The following CCDC160 variants were observed in gnomAD, a reference collection of about 807,000 sequenced individuals.
CCDC160 encodes coiled-coil domain-containing protein 160.
For missense variants in CCDC160, 227 were observed against 215.6 expected, an observed-to-expected ratio of 1.05 and a Z score of -0.33; for synonymous variants, 94 against 79.4, an observed-to-expected ratio of 1.18 and a Z score of -0.98.
intron 1 of CCDC160, among the ~76,000 whole-genome samples, chrX:134,238,409 G>C (rs1426644576): frequency 1.3e-5 from 1 of 77,288 alleles, no homozygotes; most frequent in Non-Finnish European, 2.3e-5. Flanking sequence ...GTCTTGCTCT[G>C]TTGCCCAGGC....
exon 2 of CCDC160, chrX:134,245,145 A>T: frequency 8.4e-7 from 1 of 1,196,949 alleles, no homozygotes; most frequent in Non-Finnish European, 1.1e-6. Flanking sequence ...ACAGCACAGA[A>T]GATAACTCTA....
exon 2 of CCDC160, chrX:134,244,836 G>A (rs753404055): frequency 8.5e-6 from 10 of 1,180,185 alleles, no homozygotes; most frequent in African/African-American, 1.8e-5. Context: ...AGGAGAATAT[G>A]TTTACTCCTT....
chrX:134,240,001 C>T (rs770664317), intron 1 of CCDC160, among the ~76,000 whole-genome samples: 1 of 111,935 alleles, frequency 8.9e-6, no homozygotes, highest in East Asian at 2.8e-4. Flanking sequence ...TCCATCTTAA[C>T]TTCAGACAGT....
At chrX:134,238,565 G>A (rs941477120) in intron 1 of CCDC160, among the ~76,000 whole-genome samples, 185 bp from the exon 2 acceptor site, 5 of 109,148 alleles carry the variant, frequency 4.6e-5, no homozygotes, top group African/African-American at 1.0e-4. Context: ...TAGAGACGGG[G>A]TTTTGCCATG....
intron 1 of CCDC160, chrX:134,243,221 A>T (rs1438367471): frequency 1.6e-5 from 3 of 191,356 alleles, no homozygotes; most frequent in Non-Finnish European, 2.4e-5. Flanking sequence ...GACCTCAAGA[A>T]AGCTTGGCTT....
chrX:134,243,843 C>T (rs1295962474), intron 1 of CCDC160, among the ~76,000 whole-genome samples: 1 of 111,673 alleles, frequency 9.0e-6, no homozygotes, highest in Admixed American at 9.5e-5. Context: ...CTTCAGGTGC[C>T]AGTGGCCCTC....
exon 2 of CCDC160, chrX:134,245,374 A>G: frequency 8.4e-7 from 1 of 1,192,141 alleles, no homozygotes; most frequent in South Asian, 1.9e-5. Context: ...TTTTCAAGAA[A>G]CAGAGACGGA....
exon 2 of CCDC160, chrX:134,244,930 A>G: frequency 1.7e-6 from 2 of 1,204,233 alleles, no homozygotes; most frequent in Non-Finnish European, 2.2e-6. Context: ...CAGCAAGGGA[A>G]TGGAAGAAAT....
downstream of CCDC160, chrX:134,246,004 A>AGTGT (rs201689931): frequency 0.18 from 34,302 of 194,303 alleles, 3,233 homozygotes; most frequent in African/African-American, 0.42. Context: ...CTCATATCAG[A>AGTGT]GTGTGTGTGT....
chrX:134,244,434 C>CT (rs997497775), intron 1 of CCDC160, among the ~76,000 whole-genome samples: 5 of 112,135 alleles, frequency 4.5e-5, no homozygotes, highest in African/African-American at 1.6e-4. Flanking sequence ...TTTCAAATCA[C>CT]TTTTTTTTAT....
chrX:134,243,862 G>A (rs956356852), intron 1 of CCDC160, among the ~76,000 whole-genome samples: 3 of 111,632 alleles, frequency 2.7e-5, no homozygotes, highest in African/African-American at 6.5e-5. Flanking sequence ...TCCACATACT[G>A]CTCTGGTTCT....
chrX:134,244,713 T>C, intron 1 of CCDC160, 64 bp from the exon 3 acceptor site: 1 of 978,212 alleles, frequency 1.0e-6, no homozygotes, highest in Non-Finnish European at 1.3e-6. Context: ...TTTTATTTCT[T>C]TCTACTATAT....
intron 1 of CCDC160, chrX:134,243,241 G>T: frequency 2.8e-6 from 1 of 354,008 alleles, no homozygotes; most frequent in Non-Finnish European, 3.7e-6. Context: ...TCTGGCTTTT[G>T]GACCAATCAT....
At position 134,242,564 on chromosome X, in the gene CCDC160, A is replaced by AGT. The variant is rs371345902; in HGVS notation, c.-24-2191_-24-2190dup. Among the ~76,000 whole-genome samples the AGT allele has an allele frequency of 6.3e-3, 658 of 104,742 alleles. 3 individuals carry two copies. Among genetic ancestry groups the AGT allele is most frequent in the Middle Eastern group, 0.015 (3 of 201 alleles). 91.0% of individuals were successfully genotyped at this position (104,742 alleles called of 115,157 possible). On this transcript the variant is annotated intron_variant, in intron 1 of 1. Transcript: ENST00000370809. ...GGAAGAGAGACAGTGAAAATTAAAA[A>AGT]GTGTGTGTGTGTGTGTGTGTGTGCA...
intron 1 of CCDC160, among the ~76,000 whole-genome samples, chrX:134,243,691 A>G (rs1274185820): frequency 8.9e-6 from 1 of 112,324 alleles, no homozygotes; most frequent in African/African-American, 3.2e-5. Flanking sequence ...GTGCATAGAT[A>G]AAAGAGATGC....
downstream of CCDC160, chrX:134,246,004 A>AGAGTGTGT: frequency 4.9e-6 from 1 of 204,976 alleles, no homozygotes; most frequent in Non-Finnish European, 8.6e-6. Flanking sequence ...CTCATATCAG[A>AGAGTGTGT]GTGTGTGTGT....
intron 1 of CCDC160, among the ~76,000 whole-genome samples, chrX:134,238,434 G>A (rs1488100489): frequency 1.0e-5 from 1 of 99,866 alleles, no homozygotes; most frequent in Non-Finnish European, 2.0e-5. Context: ...GTGCAGTGGC[G>A]CAATTTCGGC....
chrX:134,240,394 G>A (rs1362682368), intron 1 of CCDC160, among the ~76,000 whole-genome samples: 1 of 111,813 alleles, frequency 8.9e-6, no homozygotes, highest in Non-Finnish European at 1.9e-5. Context: ...CCTAGGCAGT[G>A]ACTAAAAGCC....
chrX:134,240,995 GA>G (rs984226294), intron 1 of CCDC160, among the ~76,000 whole-genome samples: 21 of 105,521 alleles, frequency 2.0e-4, no homozygotes, highest in South Asian at 1.7e-3. Context: ...TAAGGCAACA[GA>G]AAAAAAAAAT....
Sources: gnomAD v4.1 joint callset for allele counts (sites outside exome capture counted in the v4.1 genomes callset) on GRCh38, gnomAD v4.1.1 for gene constraint, MANE v1.5 for transcripts, NCBI Gene and HGNC (gene_info 2026-07-23, HGNC 2026-07-21) for gene names.